Variants in CDNF observed in about 807,000 individuals in gnomAD.
CDNF encodes the protein cerebral dopamine neurotrophic factor.
Under a neutral mutation model 14.8 loss-of-function variants are expected in CDNF, and 9 were observed. That is an observed-to-expected ratio of 0.61 (90% CI 0.37 to 1.06). The LOEUF (loss-of-function observed/expected upper bound fraction) is 1.06, where lower values mean the gene tolerates loss of function less well. CDNF is among the 50% of genes least tolerant of loss of function. The pLI is 0.01. For synonymous variants in CDNF, 86 were observed against 87.2 expected (o/e 0.99, Z 0.07); for missense variants, 228 against 228.4 (o/e 1.00, Z 0.01).
chr10:14,836,135 T>C (rs564583365), intron 1 of CDNF: 1 of 152,358 alleles, frequency 6.6e-6, no homozygotes, highest in African/African-American at 2.4e-5. Context: ...TAATATGGCA[T>C]TTTAATCTTA....
intron 1 of CDNF, among the ~76,000 whole-genome samples, chr10:14,828,694 G>A (rs1205642917): frequency 6.7e-6 from 1 of 150,246 alleles, no homozygotes; most frequent in East Asian, 2.0e-4. Context: ...CATGACAGTG[G>A]ATTCCAATGC....
intron 1 of CDNF, among the ~76,000 whole-genome samples, chr10:14,834,821 T>C (rs1588799890): frequency 6.6e-6 from 1 of 152,020 alleles, no homozygotes; most frequent in Admixed American, 6.6e-5. Context: ...AGTAATATGA[T>C]AGCCCTGCCA....
Position 14,820,089 on chromosome 10 carries a change from T to A in CDNF, c.455A>T (p.His152Leu). ...MRVAELKQIL[H>L]SWGEECRACA... is the part of the protein sequence containing the mutation. ...GGCCCTGCACTCCTCCCCCCAGCTA[T>A]GCAGGATCTGCTTCAGCTCTGCCAC... Residue 152 changes from histidine (H) to leucine (L), a missense_variant, in exon 4 of 4, where the codon CAT (histidine) becomes CTT (leucine). Coordinates refer to ENST00000465530, the MANE Select transcript of CDNF (RefSeq NM_001029954.3). 1 of 1,614,186 alleles carries A rather than the reference T, an allele frequency of 6.2e-7. No individual in the cohort carries two copies. The highest frequency in any genetic ancestry group is 8.5e-7 in the Non-Finnish European group (1 of 1,180,020).
intron 3 of CDNF, among the ~76,000 whole-genome samples, chr10:14,825,247 C>CATT: frequency 6.6e-6 from 1 of 152,138 alleles, no homozygotes; most frequent in South Asian, 2.1e-4. Context: ...TGAGCCACCG[C>CATT]GCCAGGCCTC....
At chr10:14,831,177 G>A (rs373295605) in intron 1 of CDNF, among the ~76,000 whole-genome samples, 2 of 152,248 alleles carry the variant, frequency 1.3e-5, no homozygotes, top group African/African-American at 2.4e-5. Context: ...AGTTGGTAGA[G>A]GATCTGCTCT....
intron 3 of CDNF, among the ~76,000 whole-genome samples, 200 bp downstream of exon 3, chr10:14,825,279 C>T (rs1833770061): frequency 1.3e-5 from 2 of 152,100 alleles, no homozygotes; most frequent in Non-Finnish European, 2.9e-5. Flanking sequence ...TAACCTAATG[C>T]TGATTATGCC....
chr10:14,830,040 G>A (rs1456973157), intron 1 of CDNF, among the ~76,000 whole-genome samples: 1 of 152,164 alleles, frequency 6.6e-6, no homozygotes, highest in African/African-American at 2.4e-5. Flanking sequence ...ACTTATTTGT[G>A]AAGATTGTTT....
chr10:14,834,490 C>T (rs1029588466), intron 1 of CDNF, among the ~76,000 whole-genome samples: 1 of 152,218 alleles, frequency 6.6e-6, no homozygotes, highest in Non-Finnish European at 1.5e-5. Flanking sequence ...GATTTCTATA[C>T]CTCAACTATC....
intron 1 of CDNF, among the ~76,000 whole-genome samples, chr10:14,836,948 A>AC (rs1295052181): frequency 6.6e-6 from 1 of 152,168 alleles, no homozygotes; most frequent in African/African-American, 2.4e-5. Flanking sequence ...CAAAAACAAA[A>AC]AACAAAACAA....
chr10:14,820,254 G>A (rs1237114418), intron 3 of CDNF, 96 bp from the exon 4 acceptor site: 1 of 1,196,368 alleles, frequency 8.4e-7, no homozygotes, highest in African/African-American at 1.5e-5. Flanking sequence ...TTATCTTGGT[G>A]CTGACTACCC....
At chr10:14,824,414 T>C (rs757329027) in intron 3 of CDNF, among the ~76,000 whole-genome samples, 1 of 152,086 alleles carries the variant, frequency 6.6e-6, no homozygotes, top group Non-Finnish European at 1.5e-5. Context: ...AAGACCAGCC[T>C]GGCCAACATG....
intron 1 of CDNF, among the ~76,000 whole-genome samples, chr10:14,829,416 G>C (rs1300188662): frequency 6.6e-6 from 1 of 152,174 alleles, no homozygotes; most frequent in Non-Finnish European, 1.5e-5. Flanking sequence ...TTTGAGACCT[G>C]CCTGGGCAAC....
chr10:14,834,862 G>A (rs1384687177), intron 1 of CDNF, among the ~76,000 whole-genome samples: 1 of 152,182 alleles, frequency 6.6e-6, no homozygotes, highest in Non-Finnish European at 1.5e-5. Context: ...ACAGGTAGCA[G>A]GAAGAATGCT....
At chr10:14,835,698 T>A (rs898583198) in intron 1 of CDNF, among the ~76,000 whole-genome samples, 3 of 152,214 alleles carry the variant, frequency 2.0e-5, no homozygotes, top group Non-Finnish European at 2.9e-5. Context: ...TTTAAAATAG[T>A]CCCATAATAT....
At chr10:14,824,038 G>A (rs191076258) in intron 3 of CDNF, among the ~76,000 whole-genome samples, 16 of 152,276 alleles carry the variant, frequency 1.1e-4, no homozygotes, top group African/African-American at 3.4e-4. Context: ...ACTATTACAC[G>A]GCTGTGTTGG....
At position 14,826,497 on chromosome 10, in the gene CDNF, GAAGAAA is replaced by G. The variant is rs767654511; in HGVS notation, c.244-883_244-878del. 9.1e-3 allele frequency among the ~76,000 whole-genome samples: 1,314 copies of G among 143,838 alleles called. 16 individuals are homozygous for G. The highest frequency in any genetic ancestry group is 0.037 in the Middle Eastern group (10 of 268). The allele number at this position is 143,838 out of a possible 152,430, so 94.4% of individuals were successfully genotyped here. ...AGAAGAAGAAAAAGAAGAAGAAGAAGAAGAAAAAGAAGCAGCAGAAGCAGCAGAAGC... is the reference window on the plus strand; with the variant it reads ...AGAAGAAGAAAAAGAAGAAGAAGAAGAAGAAGCAGCAGAAGCAGCAGAAGC... On this transcript the variant is annotated intron_variant, in intron 2 of 3. Transcript: ENST00000465530.
chr10:14,834,888 AG>A (rs1305899258), intron 1 of CDNF, among the ~76,000 whole-genome samples: 3 of 152,174 alleles, frequency 2.0e-5, no homozygotes, highest in Non-Finnish European at 2.9e-5. Context: ...GACAATGCGG[AG>A]GGGAAAACTG....
intron 1 of CDNF, among the ~76,000 whole-genome samples, chr10:14,832,750 G>C (rs185388290): frequency 5.5e-4 from 84 of 152,016 alleles, no homozygotes; most frequent in Middle Eastern, 3.4e-3. Flanking sequence ...AATAATTTTG[G>C]CCAAGAAACT....
At position 14,825,453 on chromosome 10, in the gene CDNF, G is replaced by A. The variant is rs1460988026; in HGVS notation, c.385+26C>T. ...GGTTTGGGAATCCATTGGACCTACT[G>A]GGAAAAACACGGGGCTGTGTTATAC... On this transcript the variant is annotated intron_variant, in intron 3 of 3. Coordinates refer to ENST00000465530, the MANE Select transcript of CDNF (RefSeq NM_001029954.3). 3 of 1,605,136 alleles carry A rather than the reference G, an allele frequency of 1.9e-6. No individual in the cohort carries two copies. In the African/African-American group the frequency reaches 4.0e-5, roughly 21 times the overall value.
Sources: allele counts gnomAD v4.1 joint callset (sites outside exome capture counted in the v4.1 genomes callset), GRCh38; gene constraint gnomAD v4.1.1; transcripts MANE v1.5; gene names NCBI Gene and HGNC (gene_info 2026-07-23, HGNC 2026-07-21).